Variants in EYS observed in about 807,000 individuals in gnomAD.
EYS encodes EGF-like photoreceptor maintenance factor, also known as protein eyes shut homolog.
Under a neutral mutation model 282.1 loss-of-function variants are expected in EYS, and 250 were observed. The observed-to-expected ratio is 0.89, with a 90% CI of 0.80 to 0.98. The LOEUF (loss-of-function observed/expected upper bound fraction) is 0.98, where lower values mean the gene tolerates loss of function less well. Ranked by LOEUF, EYS falls within the 50% of genes least tolerant of loss-of-function variation. The pLI is 0.00. For missense variants in EYS, 4,016 were observed against 3,709.0 expected, an observed-to-expected ratio of 1.08 and a Z score of -2.15; for synonymous variants, 1,355 against 1,282.9, an observed-to-expected ratio of 1.06 and a Z score of -1.20.
At chr6:65,699,785 A>G (rs1395991438) in intron 1 of EYS, among the ~76,000 whole-genome samples, 1 of 152,124 alleles carries the variant, frequency 6.6e-6, no homozygotes, top group African/African-American at 2.4e-5. Flanking sequence ...AAGGCCATGA[A>G]CCAACCAAGC....
At position 64,704,800 on chromosome 6, in the gene EYS, T is replaced by A. The variant is rs147336238; in HGVS notation, c.3444-78555A>T. Among the ~76,000 whole-genome samples the A allele has an allele frequency of 8.0e-3, 1,221 of 151,994 alleles. 25 individuals carry two copies. The highest frequency in any genetic ancestry group is 0.028 in the African/African-American group (1,149 of 41,450). On this transcript the variant is annotated intron_variant, in intron 22 of 42. Coordinates refer to ENST00000503581, the MANE Select transcript of EYS (RefSeq NM_001142800.2). ...CTGGGCAGGTCTTACGACCATCAAA[T>A]ATTGAAAAGACAGAAAAACATCTAA... is the stretch of plus-strand genomic sequence containing the variant.
intron 22 of EYS, among the ~76,000 whole-genome samples, chr6:64,779,949 ATAAATGATGCT>A (rs1773807718): frequency 6.6e-6 from 1 of 152,240 alleles, no homozygotes; most frequent in Non-Finnish European, 1.5e-5. Flanking sequence ...GCTAACTTAT[ATAAATGATGCT>A]CTCTAGATTT....
chr6:65,393,272 C>A (rs2055507), intron 7 of EYS, among the ~76,000 whole-genome samples: 27 of 151,782 alleles, frequency 1.8e-4, no homozygotes, highest in Non-Finnish European at 2.8e-4. Context: ...TGTATACATA[C>A]GTAACTAACC....
Position 65,520,084 on chromosome 6 carries a change from T to C in EYS, c.-332-24091A>G, listed in dbSNP as rs527600966. 2.7e-4 allele frequency among the ~76,000 whole-genome samples: 41 copies of C among 152,202 alleles called. No homozygotes were observed. The East Asian group carries it at 6.8e-3, about 25-fold the overall frequency. On this transcript the variant is annotated intron_variant, in intron 2 of 42. Transcript: ENST00000503581. ...TTTCAAATATGCACAACATATTTCATGTATTTCAGTAGTACTTGATACATA... is the reference window on the plus strand; with the variant it reads ...TTTCAAATATGCACAACATATTTCACGTATTTCAGTAGTACTTGATACATA...
intron 31 of EYS, among the ~76,000 whole-genome samples, chr6:64,141,169 A>G (rs895118820): frequency 3.9e-5 from 6 of 152,240 alleles, no homozygotes; most frequent in Non-Finnish European, 8.8e-5. Context: ...CCTTGGTAGC[A>G]CAATACTTTA....
intron 15 of EYS, among the ~76,000 whole-genome samples, chr6:64,934,533 C>T (rs75189225): frequency 0.032 from 4,910 of 151,816 alleles, 137 homozygotes; most frequent in East Asian, 0.13. Context: ...TTATTACATA[C>T]AAGGATCCTC....
chr6:65,478,847 T>A (rs1353358114), intron 5 of EYS, among the ~76,000 whole-genome samples: 4 of 152,150 alleles, frequency 2.6e-5, no homozygotes, highest in African/African-American at 9.6e-5. Flanking sequence ...GTTGGTGGTG[T>A]CGCTTTTTTC....
intron 22 of EYS, among the ~76,000 whole-genome samples, chr6:64,738,218 A>G (rs1167703062): frequency 6.6e-6 from 1 of 152,270 alleles, no homozygotes; most frequent in Admixed American, 6.5e-5. Context: ...AAAGGGCTGG[A>G]TGGGGCTGGA....
At chr6:64,762,851 T>A (rs1202815230) in intron 22 of EYS, among the ~76,000 whole-genome samples, 2 of 152,210 alleles carry the variant, frequency 1.3e-5, no homozygotes, top group Admixed American at 1.3e-4. Flanking sequence ...GTGTATTGAT[T>A]TTAGCAAATC....
chr6:63,879,275 C>G (rs1357799961), intron 35 of EYS, among the ~76,000 whole-genome samples: 1 of 152,070 alleles, frequency 6.6e-6, no homozygotes, highest in African/African-American at 2.4e-5. Context: ...ATGCTAGTAA[C>G]TATTTTCAGT....
chr6:64,574,831 A>G (rs1187419933), intron 26 of EYS, among the ~76,000 whole-genome samples: 2 of 152,162 alleles, frequency 1.3e-5, no homozygotes, highest in African/African-American at 4.8e-5. Context: ...GTGTTTTTCA[A>G]GTATACACAA....
chr6:64,419,266 C>T (rs1774152203), intron 28 of EYS, among the ~76,000 whole-genome samples: 1 of 152,130 alleles, frequency 6.6e-6, no homozygotes, highest in Non-Finnish European at 1.5e-5. Flanking sequence ...TGAGGGAAAC[C>T]ACCTCCATGA....
chr6:65,046,788 ACT>A (rs1177127340), intron 13 of EYS, among the ~76,000 whole-genome samples: 1 of 151,758 alleles, frequency 6.6e-6, no homozygotes, highest in African/African-American at 2.4e-5. Context: ...CCCACCCAAA[ACT>A]CTTGTTGAAT....
At chr6:64,964,978 T>G (rs146360895) in intron 14 of EYS, among the ~76,000 whole-genome samples, 2,044 of 152,080 alleles carry the variant, frequency 0.013, 18 homozygotes, top group Non-Finnish European at 0.02. Flanking sequence ...GGTTGCAGTG[T>G]ACTGAGATCA....
chr6:64,729,484 A>G (rs1357050908), intron 22 of EYS, among the ~76,000 whole-genome samples: 2 of 152,116 alleles, frequency 1.3e-5, no homozygotes, highest in African/African-American at 4.8e-5. Flanking sequence ...TTTTTTTCAT[A>G]AAAAGGATAT....
chr6:64,017,461 T>C (rs1404030754), intron 33 of EYS, among the ~76,000 whole-genome samples: 1 of 152,182 alleles, frequency 6.6e-6, no homozygotes, highest in Non-Finnish European at 1.5e-5. Context: ...GGTAATGTCA[T>C]ATTATTCCAT....
intron 33 of EYS, among the ~76,000 whole-genome samples, chr6:64,041,519 G>A (rs140930375): frequency 1.2e-3 from 181 of 152,212 alleles, no homozygotes; most frequent in Non-Finnish European, 2.3e-3. Context: ...AGAAAATGTT[G>A]CCCTTTTAAT....
intron 12 of EYS, among the ~76,000 whole-genome samples, chr6:65,284,309 G>A (rs535833443): frequency 1.3e-5 from 2 of 152,074 alleles, no homozygotes; most frequent in East Asian, 3.9e-4. Context: ...TCCTGCTTCT[G>A]CCATTTTGTT....
chr6:64,288,959 C>A (rs1426134076), intron 30 of EYS, among the ~76,000 whole-genome samples: 1 of 152,066 alleles, frequency 6.6e-6, no homozygotes, highest in Non-Finnish European at 1.5e-5. Context: ...TTCAAAAAAC[C>A]TCCTATCTGG....
Sources: gnomAD v4.1 joint callset for allele counts (sites outside exome capture counted in the v4.1 genomes callset) on GRCh38, gnomAD v4.1.1 for gene constraint, MANE v1.5 for transcripts, NCBI Gene and HGNC (gene_info 2026-07-23, HGNC 2026-07-21) for gene names.